The following CSMD3 variants were observed in gnomAD, a reference collection of about 807,000 sequenced individuals.
CSMD3 encodes the protein CUB and Sushi multiple domains 3.
Under a neutral mutation model 435.2 loss-of-function variants are expected in CSMD3, and 177 were observed. The observed-to-expected ratio is 0.41, with a 90% CI of 0.36 to 0.46. The LOEUF is 0.46. Ranked by LOEUF, CSMD3 falls within the 20% of genes least tolerant of loss-of-function variation. CSMD3 has a pLI of 0.34. For missense variants in CSMD3, 4,265 were observed against 4,504.6 expected (o/e 0.95, Z 1.52); for synonymous variants, 1,656 against 1,520.5 (o/e 1.09, Z -2.07).
chr8:112,838,343 T>C (rs955672032), intron 11 of CSMD3, among the ~76,000 whole-genome samples: 27 of 151,834 alleles, frequency 1.8e-4, no homozygotes. Context: ...CTTTATCTTC[T>C]ATATGAAAAG....
chr8:112,920,978 T>C (rs2082719927), intron 10 of CSMD3, among the ~76,000 whole-genome samples: 1 of 139,448 alleles, frequency 7.2e-6, no homozygotes, highest in African/African-American at 2.8e-5. Context: ...TATATATATG[T>C]ACACACATAC....
chr8:113,217,510 A>C (rs2132111427), intron 3 of CSMD3, among the ~76,000 whole-genome samples: 1 of 151,894 alleles, frequency 6.6e-6, no homozygotes, highest in East Asian at 1.9e-4. Context: ...ATTTCAGTAG[A>C]GAAATTAAAG....
At chr8:113,161,554 C>G (rs951355553) in intron 4 of CSMD3, among the ~76,000 whole-genome samples, 1 of 152,158 alleles carries the variant, frequency 6.6e-6, no homozygotes, top group African/African-American at 2.4e-5. Flanking sequence ...CTGTCCTCCA[C>G]TTCTAACATA....
At chr8:112,639,422 G>C (rs1302009217) in intron 20 of CSMD3, among the ~76,000 whole-genome samples, 1 of 152,016 alleles carries the variant, frequency 6.6e-6, no homozygotes, top group African/African-American at 2.4e-5. Flanking sequence ...TTATTTATTT[G>C]TCACACATTT....
chr8:113,036,641 CCT>C (rs1334723484), intron 5 of CSMD3, among the ~76,000 whole-genome samples: 2 of 151,972 alleles, frequency 1.3e-5, no homozygotes, highest in African/African-American at 2.4e-5. Context: ...CTGCCCATTC[CCT>C]CTTTCTCCCT....
At chr8:112,266,659 A>G (rs1254768302) in intron 59 of CSMD3, among the ~76,000 whole-genome samples, 8 of 152,222 alleles carry the variant, frequency 5.3e-5, no homozygotes. Context: ...TCGTTTCTTT[A>G]TAATGCCAGC....
At chr8:113,413,937 G>A (rs1348364019) in intron 1 of CSMD3, among the ~76,000 whole-genome samples, 6 of 152,148 alleles carry the variant, frequency 3.9e-5, no homozygotes, top group Non-Finnish European at 2.9e-5. Flanking sequence ...AAAGGAGAAT[G>A]AAAATGATTT....
chr8:112,826,191 A>C (rs2079675291), intron 12 of CSMD3, among the ~76,000 whole-genome samples: 1 of 152,178 alleles, frequency 6.6e-6, no homozygotes, highest in Non-Finnish European at 1.5e-5. Context: ...CTCTGGCTCC[A>C]GCAGAAGAAA....
At chr8:112,909,192 G>A (rs2082340083) in intron 10 of CSMD3, among the ~76,000 whole-genome samples, 1 of 151,384 alleles carries the variant, frequency 6.6e-6, no homozygotes, top group Non-Finnish European at 1.5e-5. Flanking sequence ...TGAAATAAAA[G>A]TTTACCCAAA....
chr8:113,388,818 A>AT (rs1309195479), intron 1 of CSMD3, among the ~76,000 whole-genome samples: 1 of 151,582 alleles, frequency 6.6e-6, no homozygotes, highest in Non-Finnish European at 1.5e-5. Flanking sequence ...TTTCAAAAAT[A>AT]TTTTTAGCAA....
intron 1 of CSMD3, among the ~76,000 whole-genome samples, chr8:113,316,496 A>G (rs2093910837): frequency 6.6e-6 from 1 of 152,028 alleles, no homozygotes. Context: ...CATTCTTTTC[A>G]CAATAGCACC....
At chr8:112,656,436 T>G (rs2075259607) in intron 17 of CSMD3, 95 bp from the exon 18 acceptor site, 2 of 894,246 alleles carry the variant, frequency 2.2e-6, no homozygotes, top group Non-Finnish European at 3.3e-6. Context: ...TATTTAAAAT[T>G]TTTCCATTTT....
chr8:112,309,754 T>C (rs968720365), intron 50 of CSMD3, among the ~76,000 whole-genome samples: 1 of 152,146 alleles, frequency 6.6e-6, no homozygotes, highest in African/African-American at 2.4e-5. Context: ...TTTGTTTACA[T>C]ATGCCTTTGA....
intron 17 of CSMD3, among the ~76,000 whole-genome samples, chr8:112,663,871 A>G (rs2075451311): frequency 6.6e-6 from 1 of 152,186 alleles, no homozygotes; most frequent in Non-Finnish European, 1.5e-5. Flanking sequence ...CAGCAGCCTC[A>G]GTGTCTATTA....
rs201560334 is a variant in CSMD3 at position 112,545,506 on chromosome 8, AT to A, written c.4564+5164del. 4.8e-3 allele frequency among the ~76,000 whole-genome samples: 547 copies of A among 113,138 alleles called. 9 individuals are homozygous for A. Among genetic ancestry groups the A allele is most frequent in the African/African-American group, 0.018 (501 of 28,232 alleles). The allele number at this position is 113,138 out of a possible 152,430, so 74.2% of individuals were successfully genotyped here. A position where few individuals can be genotyped will look rare whatever the true frequency, so the allele number is the denominator to read the frequency against. Reference sequence around the variant, plus strand: ...TCAAAAAAAAAAAAAAAAAAAAATAATAATAATAATAATAATAATAAATGCT... The same window carrying A: ...TCAAAAAAAAAAAAAAAAAAAAATAAAATAATAATAATAATAATAAATGCT... On this transcript the variant is annotated intron_variant, in intron 27 of 70. Coordinates refer to ENST00000297405, the MANE Select transcript of CSMD3 (RefSeq NM_198123.2).
intron 64 of CSMD3, among the ~76,000 whole-genome samples, chr8:112,245,503 G>A (rs544903541): frequency 1.6e-4 from 25 of 151,924 alleles, no homozygotes; most frequent in Non-Finnish European, 2.6e-4. Context: ...TTTTTACTCC[G>A]TGTGCTAAAC....
At chr8:113,027,629 G>A (rs2131218200) in intron 5 of CSMD3, among the ~76,000 whole-genome samples, 1 of 152,222 alleles carries the variant, frequency 6.6e-6, no homozygotes, top group African/African-American at 2.4e-5. Context: ...GTGTTAGGCA[G>A]TCCACTCTTC....
rs768645299 is a variant in CSMD3, at chr8:113,047,657, T to C, written c.918-28478A>G. Among the ~76,000 whole-genome samples, 8 of 152,338 alleles carry C rather than the reference T, an allele frequency of 5.3e-5. No individual in the cohort carries two copies. The Middle Eastern group carries it at 0.017, about 324-fold the overall frequency. ...AGTATCTTGTGATAATCAAAATAAG[T>C]ATCCTAGAATTTTTAAATTATTTGT... On this transcript the variant is annotated intron_variant, in intron 5 of 70. Coordinates refer to ENST00000297405, the MANE Select transcript of CSMD3 (RefSeq NM_198123.2).
intron 22 of CSMD3, among the ~76,000 whole-genome samples, chr8:112,632,359 C>T (rs933975894): frequency 6.6e-6 from 1 of 151,814 alleles, no homozygotes; most frequent in Non-Finnish European, 1.5e-5. Context: ...ATGATTAAGG[C>T]AAGATGTTGT....
Sources: allele counts gnomAD v4.1 joint callset (sites outside exome capture counted in the v4.1 genomes callset), GRCh38; gene constraint gnomAD v4.1.1; transcripts MANE v1.5; gene names NCBI Gene and HGNC (gene_info 2026-07-23, HGNC 2026-07-21).